Variants in DKK3 observed in about 807,000 individuals in gnomAD.
DKK3 encodes dickkopf Wnt signaling pathway inhibitor 3, also known as dickkopf-related protein 3.
In DKK3, 22 loss-of-function variants were observed where a neutral mutation model predicts 33.2. That is an observed-to-expected ratio of 0.66 (90% CI 0.47 to 0.95). DKK3 has a LOEUF of 0.95. DKK3 is among the 40% of genes least tolerant of loss of function. DKK3 has a pLI of 0.00. For missense variants in DKK3, 398 were observed against 458.4 expected, an observed-to-expected ratio of 0.87 and a Z score of 1.20; for synonymous variants, 194 against 188.8, an observed-to-expected ratio of 1.03 and a Z score of -0.23.
intron 3 of DKK3, chr11:11,979,853 C>T (rs943140142): frequency 1.3e-5 from 2 of 152,244 alleles, no homozygotes; most frequent in Non-Finnish European, 2.9e-5. Context: ...GCCGAGGGGC[C>T]CTGGAGAAGG....
chr11:11,967,119 C>A, intron 4 of DKK3, 21 bp from the exon 5 acceptor site: 1 of 1,610,250 alleles, frequency 6.2e-7, no homozygotes, highest in South Asian at 1.1e-5. Context: ...GTGGAAAGAG[C>A]CTAGAGCCAG....
chr11:12,005,205 T>C (rs542997079), intron 1 of DKK3, among the ~76,000 whole-genome samples: 4 of 152,280 alleles, frequency 2.6e-5, no homozygotes, highest in Non-Finnish European at 5.9e-5. Flanking sequence ...ATAAAACTTT[T>C]CCCCCCAGCT....
chr11:11,995,425 T>G (rs1228039610), intron 3 of DKK3, among the ~76,000 whole-genome samples: 1 of 152,140 alleles, frequency 6.6e-6, no homozygotes, highest in Admixed American at 6.5e-5. Flanking sequence ...TGCTTGTACA[T>G]GATTGAACTT....
At chr11:12,000,416 A>G (rs1011971373) in intron 2 of DKK3, among the ~76,000 whole-genome samples, 4 of 151,974 alleles carry the variant, frequency 2.6e-5, no homozygotes, top group Admixed American at 2.6e-4. Context: ...CATGTTGGCC[A>G]GGCTGGTCTC....
Position 11,969,985 on chromosome 11 carries a change from G to A in DKK3, c.436-1498C>T, listed in dbSNP as rs182732093. ...ACTGAGTCTGAGCCAGAGCCCCAGC[G>A]GCCAGAGAAGTCCCAACAGGGCTGG... On this transcript the variant is annotated intron_variant, in intron 3 of 6. Transcript: ENST00000683431. Among the ~76,000 whole-genome samples, 53 of 152,336 alleles carry A rather than the reference G, an allele frequency of 3.5e-4. No homozygotes were observed. The East Asian group carries it at 6.9e-3, about 20-fold the overall frequency.
At chr11:11,973,046 A>G (rs542264272) in intron 3 of DKK3, among the ~76,000 whole-genome samples, 23 of 152,308 alleles carry the variant, frequency 1.5e-4, no homozygotes, top group African/African-American at 5.5e-4. Flanking sequence ...CCCTGGGACC[A>G]GAAGAGGGAC....
upstream of DKK3, chr11:12,009,327 C>G: frequency 8.1e-6 from 8 of 981,692 alleles, no homozygotes; most frequent in Non-Finnish European, 9.7e-6. Context: ...CCCGAGGGAG[C>G]CCGCAAGACG....
Position 11,983,456 on chromosome 11 carries a change from A to G in DKK3, c.436-14969T>C, listed in dbSNP as rs1024120403. Among the ~76,000 whole-genome samples, 34 of 152,150 alleles carry G rather than the reference A, an allele frequency of 2.2e-4. 1 individual carries two copies. The highest frequency in any genetic ancestry group is 8.0e-4 in the African/African-American group (33 of 41,430). On this transcript the variant is annotated intron_variant, in intron 3 of 6. Coordinates refer to ENST00000683431, the MANE Select transcript of DKK3 (RefSeq NM_001018057.2). ...CTGGAGCCTTCGGTGGGGCAGGTGA[A>G]ATCTCTCAAGAAGAACAAGGTTCCA... is the stretch of plus-strand genomic sequence containing the variant.
rs1297318217 is a variant in DKK3 at position 11,966,061 on chromosome 11, C to T, written c.674-96G>A. The T allele has an allele frequency of 2.9e-6, 4 of 1,390,778 alleles. No individual in the cohort carries two copies. In the Admixed American group the frequency reaches 9.8e-5, roughly 34 times the overall value. The allele number at this position is 1,390,778 out of a possible 1,614,324, so 86.2% of individuals were successfully genotyped here. ...AAATGGAGCATAACCTCCCACCTCC[C>T]ACCCTCAACCCCAAAGTGCAGGCTA... On this transcript the variant is annotated intron_variant, in intron 5 of 6. Coordinates refer to ENST00000683431, the MANE Select transcript of DKK3 (RefSeq NM_001018057.2).
chr11:11,993,134 T>G (rs1171262645), intron 3 of DKK3, among the ~76,000 whole-genome samples: 1 of 152,170 alleles, frequency 6.6e-6, no homozygotes, highest in East Asian at 1.9e-4. Flanking sequence ...CTGAAAGTAT[T>G]TGCAAAACCA....
rs892913478 is a variant in DKK3, at chr11:11,966,982, C to T, written c.645G>A (p.Gln215=). The change falls in exon 5 of 7, where the codon CAG becomes CAA. Residue 215 remains glutamine, a synonymous_variant. Transcript: ENST00000683431. ...TCTGGAAGGCACAGCACAGCCCCGG[C>T]TGGCAGTCCCTCTGGTTGTCACAGA... ...GTICDNQRDC[Q]PGLCCAFQRG... The T allele has an allele frequency of 8.1e-6, 13 of 1,613,950 alleles. No homozygotes were observed. Among genetic ancestry groups the T allele is most frequent in the Admixed American group, 5.0e-5 (3 of 60,002 alleles).
At chr11:12,000,395 CG>C (rs1302409797) in intron 2 of DKK3, among the ~76,000 whole-genome samples, 2 of 152,040 alleles carry the variant, frequency 1.3e-5, no homozygotes, top group South Asian at 2.1e-4. Flanking sequence ...TTAGTAGAGA[CG>C]GGGTTTCGCC....
upstream of DKK3, chr11:12,008,633 A>T: frequency 7.6e-7 from 1 of 1,318,422 alleles, no homozygotes; most frequent in South Asian, 2.2e-5. This position sits in a 1 kb window ranked among gnomAD's most constrained non-coding sequence, Gnocchi z 4.6. Flanking sequence ...ACGCGATCAG[A>T]GGCGCGCGGA....
Position 11,982,834 on chromosome 11 carries a change from C to A in DKK3, c.436-14347G>T, listed in dbSNP as rs1847984846. On this transcript the variant is annotated intron_variant, in intron 3 of 6. Transcript: ENST00000683431. ...TGGAGGCCCTAATGAAATCCCCTTT[C>A]TCTCAAACACGGCAATTAATGGGAT... 2.0e-5 allele frequency among the ~76,000 whole-genome samples: 3 copies of A among 152,338 alleles called. No individual in the cohort carries two copies. In the South Asian group the frequency reaches 6.2e-4, roughly 32 times the overall value.
chr11:12,006,348 C>T (rs904703896), intron 1 of DKK3, among the ~76,000 whole-genome samples: 26 of 152,210 alleles, frequency 1.7e-4, no homozygotes, highest in African/African-American at 6.0e-4. Flanking sequence ...GCTTTACTTG[C>T]AGCATCTCAT....
At chr11:12,008,750 C>T, upstream of DKK3, 1 of 1,203,450 alleles carries the variant, frequency 8.3e-7, no homozygotes, top group East Asian at 3.6e-5. The surrounding 1 kb of genome is among the most constrained non-coding windows in gnomAD (Gnocchi z 4.6). Flanking sequence ...ACCGAGGCCC[C>T]TGAAAACGCA....
chr11:11,967,127 C>T, intron 4 of DKK3, 29 bp from the exon 5 acceptor site: 2 of 1,608,460 alleles, frequency 1.2e-6, no homozygotes, highest in East Asian at 2.2e-5. Context: ...AGCCTAGAGC[C>T]AGCGGCTTAG....
intron 3 of DKK3, among the ~76,000 whole-genome samples, chr11:11,987,877 A>T (rs1848103888): frequency 6.6e-6 from 1 of 152,224 alleles, no homozygotes; most frequent in African/African-American, 2.4e-5. Flanking sequence ...ATATTTACTG[A>T]TTCATCACAC....
intron 3 of DKK3, among the ~76,000 whole-genome samples, chr11:11,993,841 GA>G (rs1848235962): frequency 6.6e-6 from 1 of 152,166 alleles, no homozygotes. Flanking sequence ...TCTTTCTGCA[GA>G]AACCAGTATC....
Sources: allele counts gnomAD v4.1 joint callset (sites outside exome capture counted in the v4.1 genomes callset), GRCh38; gene constraint gnomAD v4.1.1; non-coding constraint Gnocchi (gnomAD v3.1); transcripts MANE v1.5; gene names NCBI Gene and HGNC (gene_info 2026-07-23, HGNC 2026-07-21).